TLN2: variants seen among roughly 807,000 people sequenced by gnomAD.
The protein encoded by TLN2 is talin-2.
A neutral mutation model predicts 294.7 loss-of-function variants in TLN2; 118 were observed. That is an observed-to-expected ratio of 0.40 (90% CI 0.34 to 0.47). The LOEUF is 0.47. TLN2 is among the 20% of genes least tolerant of loss of function. The probability of loss-of-function intolerance (pLI) is 0.84; values close to 1 mark genes in which losing one functional copy is unlikely to be tolerated. For missense variants in TLN2, 3,083 were observed against 3,282.2 expected (o/e 0.94, Z 1.48); for synonymous variants, 1,431 against 1,304.5 (o/e 1.10, Z -2.09).
intron 1 of TLN2, among the ~76,000 whole-genome samples, chr15:62,442,357 G>C (rs939596550): frequency 2.0e-5 from 3 of 151,892 alleles, no homozygotes; most frequent in African/African-American, 4.8e-5. Flanking sequence ...TAGCTGGTGT[G>C]GTGGTGCGTG....
intron 51 of TLN2, 80 bp from the exon 52 acceptor site, chr15:62,809,845 G>C: frequency 7.3e-7 from 1 of 1,363,218 alleles, no homozygotes; most frequent in Middle Eastern, 1.8e-4. Context: ...CCAGGGTTAA[G>C]GTCTCTTGCC....
chr15:62,463,624 G>A (rs184060462), intron 1 of TLN2, among the ~76,000 whole-genome samples: 2 of 152,294 alleles, frequency 1.3e-5, no homozygotes, highest in Admixed American at 6.5e-5. Context: ...GGTGCCTCAC[G>A]CCTGTAATCC....
At chr15:62,664,857 C>CAAAAAAAAAA (rs10634187) in intron 9 of TLN2, among the ~76,000 whole-genome samples, 656 of 29,080 alleles carry the variant, frequency 0.023, 177 homozygotes, top group Non-Finnish European at 0.029. Flanking sequence ...GAAACTGTCT[C>CAAAAAAAAAA]AAAAAAAAAA....
intron 9 of TLN2, among the ~76,000 whole-genome samples, chr15:62,672,354 T>C (rs1239699467): frequency 6.6e-6 from 1 of 152,152 alleles, no homozygotes; most frequent in Non-Finnish European, 1.5e-5. Flanking sequence ...GTATGAAATA[T>C]CTGTGCTTTA....
At chr15:62,806,240 G>A (rs1302836315) in intron 51 of TLN2, among the ~76,000 whole-genome samples, 1 of 152,282 alleles carries the variant, frequency 6.6e-6, no homozygotes, top group Non-Finnish European at 1.5e-5. Context: ...ACCAGCCTGT[G>A]GGAAATGACT....
chr15:62,558,041 C>G (rs1478717760), intron 1 of TLN2, among the ~76,000 whole-genome samples: 2 of 152,196 alleles, frequency 1.3e-5, no homozygotes, highest in East Asian at 3.9e-4. Context: ...TTATGCATCT[C>G]TGTTGCTTAT....
In TLN2 at chr15:62,795,483, C is replaced by T. The variant is rs747344266; in HGVS notation, c.5884-644C>T. Among the ~76,000 whole-genome samples the T allele has an allele frequency of 2.0e-4, 31 of 152,172 alleles. 1 individual carries two copies. The highest frequency in any genetic ancestry group is 3.4e-3 in the Middle Eastern group (1 of 294). Reference sequence around the variant, plus strand: ...CAGGATTTCTGACATGGAAGACACCCGAGTGAACTTGCTGGGCCCTCGGGG... The same window carrying T: ...CAGGATTTCTGACATGGAAGACACCTGAGTGAACTTGCTGGGCCCTCGGGG... On this transcript the variant is annotated intron_variant, in intron 46 of 58. Coordinates refer to ENST00000636159, the MANE Select transcript of TLN2 (RefSeq NM_015059.3).
At chr15:62,423,460 T>C (rs2034530760) in intron 1 of TLN2, among the ~76,000 whole-genome samples, 2 of 152,190 alleles carry the variant, frequency 1.3e-5, no homozygotes, top group Admixed American at 6.5e-5. Context: ...CACCTATCCC[T>C]GTACCTGACC....
intron 1 of TLN2, among the ~76,000 whole-genome samples, chr15:62,500,297 C>G (rs1428097322): frequency 1.3e-5 from 2 of 152,164 alleles, no homozygotes; most frequent in African/African-American, 4.8e-5. Context: ...GGGATTGCAC[C>G]ATTGCTCTCC....
At chr15:62,613,050 G>A (rs2048042037) in intron 2 of TLN2, among the ~76,000 whole-genome samples, 1 of 152,150 alleles carries the variant, frequency 6.6e-6, no homozygotes, top group African/African-American at 2.4e-5. Flanking sequence ...AGACTTCTGG[G>A]TTCAAATCCT....
chr15:62,419,060 G>T (rs1366087253), intron 1 of TLN2, among the ~76,000 whole-genome samples: 11 of 152,250 alleles, frequency 7.2e-5, no homozygotes, highest in Admixed American at 5.2e-4. Flanking sequence ...TCAAAATAAA[G>T]ATCAAGCACT....
At chr15:62,718,571 A>G (rs113800328) in intron 24 of TLN2, among the ~76,000 whole-genome samples, 4 of 152,290 alleles carry the variant, frequency 2.6e-5, no homozygotes, top group South Asian at 2.1e-4. Context: ...GGCCAGCCCT[A>G]CTGCTGTTGT....
intron 1 of TLN2, among the ~76,000 whole-genome samples, chr15:62,412,540 A>G (rs552068591): frequency 2.0e-5 from 3 of 152,310 alleles, no homozygotes; most frequent in African/African-American, 4.8e-5. Flanking sequence ...ATGTGTCACA[A>G]TTCTTGGCAT....
chr15:62,545,757 C>T (rs897824892), intron 1 of TLN2, among the ~76,000 whole-genome samples: 4 of 152,160 alleles, frequency 2.6e-5, no homozygotes, highest in Non-Finnish European at 5.9e-5. Flanking sequence ...AACTCGAGCC[C>T]ATCCTGGCTG....
intron 7 of TLN2, 29 bp downstream of exon 7, chr15:62,653,343 A>G (rs768678640): frequency 6.3e-6 from 10 of 1,594,420 alleles, no homozygotes; most frequent in Middle Eastern, 1.7e-4. Context: ...AGCATGATAC[A>G]GACACACAGG....
chr15:62,631,518 C>CTTCCT (rs201532885), intron 3 of TLN2, among the ~76,000 whole-genome samples: 9,979 of 89,550 alleles, frequency 0.11, 1,403 homozygotes, highest in East Asian at 0.23. Flanking sequence ...TTCTTTCTTT[C>CTTCCT]TTCCTTTCCT....
Position 62,712,087 on chromosome 15 carries a change from T to G in TLN2, c.2634+10T>G. The G allele has an allele frequency of 3.7e-6, 6 of 1,611,574 alleles. No homozygotes were observed. The highest frequency in any genetic ancestry group is 5.1e-6 in the Non-Finnish European group (6 of 1,178,136). On this transcript the variant is annotated intron_variant, in intron 22 of 58. Transcript: ENST00000636159. ...GGTGGAAGCTGCAAAGGTATTCTAC[T>G]GGATTTGTTTGTATGAAAAGTGAAC...
intron 31 of TLN2, among the ~76,000 whole-genome samples, chr15:62,740,240 G>A (rs561797745): frequency 1.3e-5 from 2 of 152,260 alleles, no homozygotes; most frequent in African/African-American, 2.4e-5. Context: ...GTGCCAGGCC[G>A]AGATGTACAG....
intron 1 of TLN2, among the ~76,000 whole-genome samples, chr15:62,581,248 T>C (rs2044993715): frequency 6.6e-6 from 1 of 152,202 alleles, no homozygotes; most frequent in South Asian, 2.1e-4. Flanking sequence ...TGGAATTGTA[T>C]AGTATGTAGC....
Sources: gnomAD v4.1 joint callset for allele counts (sites outside exome capture counted in the v4.1 genomes callset) on GRCh38, gnomAD v4.1.1 for gene constraint, MANE v1.5 for transcripts, NCBI Gene and HGNC (gene_info 2026-07-23, HGNC 2026-07-21) for gene names.